ABCC4: variants seen among roughly 807,000 people sequenced by gnomAD.
ABCC4 encodes ATP binding cassette subfamily C member 4 (PEL blood group), also known as ATP-binding cassette sub-family C member 4.
In ABCC4, 102 loss-of-function variants were observed where a neutral mutation model predicts 168.5. That is an observed-to-expected ratio of 0.61 (90% confidence interval 0.52 to 0.71). The LOEUF (loss-of-function observed/expected upper bound fraction) is 0.71. ABCC4 is among the 30% of genes least tolerant of loss of function. The pLI is 0.00. For missense variants in ABCC4, 1,402 were observed against 1,605.8 expected (o/e 0.87, Z 2.17); for synonymous variants, 617 against 590.7 (o/e 1.04, Z -0.65).
intron 9 of ABCC4, among the ~76,000 whole-genome samples, chr13:95,191,197 T>C (rs1044411500): frequency 1.3e-5 from 2 of 151,374 alleles, no homozygotes; most frequent in African/African-American, 4.8e-5. Context: ...GAATAAGAGA[T>C]CAAGATAACC....
chr13:95,211,263 G>A (rs2038948494), intron 4 of ABCC4, among the ~76,000 whole-genome samples: 1 of 152,142 alleles, frequency 6.6e-6, no homozygotes, highest in African/African-American at 2.4e-5. Context: ...GACAAATATG[G>A]AGTATCAACT....
At chr13:95,237,602 T>C (rs1239559375) in intron 3 of ABCC4, among the ~76,000 whole-genome samples, 3 of 152,192 alleles carry the variant, frequency 2.0e-5, no homozygotes, top group African/African-American at 4.8e-5. Context: ...CCCAGAGTAC[T>C]TGAAGGCAGA....
intron 1 of ABCC4, among the ~76,000 whole-genome samples, chr13:95,284,651 A>T (rs1048260693): frequency 3.3e-5 from 5 of 152,118 alleles, no homozygotes; most frequent in African/African-American, 1.2e-4. Flanking sequence ...GAGACTCAAA[A>T]ATGTATATGG....
At chr13:95,047,445 C>A (rs2032626089) in intron 27 of ABCC4, among the ~76,000 whole-genome samples, 1 of 145,006 alleles carries the variant, frequency 6.9e-6, no homozygotes, top group African/African-American at 2.6e-5. Flanking sequence ...GTTTATTTTG[C>A]TCCTTCCTGG....
chr13:95,040,722 CTT>C (rs1460099953), intron 29 of ABCC4, among the ~76,000 whole-genome samples: 1 of 152,148 alleles, frequency 6.6e-6, no homozygotes, highest in Non-Finnish European at 1.5e-5. Flanking sequence ...CTCAGGTTAG[CTT>C]TGAGTTGTGT....
chr13:95,172,550 A>G (rs1399296671), intron 13 of ABCC4, among the ~76,000 whole-genome samples: 16 of 148,536 alleles, frequency 1.1e-4, no homozygotes, highest in Non-Finnish European at 3.0e-5. Context: ...TGGGCAACAG[A>G]GCGAGACTCT....
At chr13:95,090,831 C>G (rs2034407920) in intron 20 of ABCC4, among the ~76,000 whole-genome samples, 1 of 152,074 alleles carries the variant, frequency 6.6e-6, no homozygotes, top group Non-Finnish European at 1.5e-5. Flanking sequence ...TTAAGCTAAT[C>G]AGGGGGGCAC....
chr13:95,109,601 G>A (rs2035132720), intron 20 of ABCC4, among the ~76,000 whole-genome samples: 1 of 152,220 alleles, frequency 6.6e-6, no homozygotes, highest in South Asian at 2.1e-4. Flanking sequence ...ACTGTGAGAA[G>A]AGGGTTTGAG....
intron 19 of ABCC4, among the ~76,000 whole-genome samples, chr13:95,121,917 A>G (rs2035584440): frequency 6.6e-6 from 1 of 152,184 alleles, no homozygotes; most frequent in African/African-American, 2.4e-5. Flanking sequence ...GGCAACAGAA[A>G]TGTTCACAGC....
intron 20 of ABCC4, among the ~76,000 whole-genome samples, chr13:95,107,442 C>T: frequency 6.6e-6 from 1 of 152,124 alleles, no homozygotes; most frequent in Non-Finnish European, 1.5e-5. Context: ...GAATGCACTT[C>T]CAGTGAATAA....
At chr13:95,169,310 A>G (rs1173537640) in intron 14 of ABCC4, among the ~76,000 whole-genome samples, 2 of 152,144 alleles carry the variant, frequency 1.3e-5, no homozygotes, top group Non-Finnish European at 2.9e-5. Context: ...GTGAACCACT[A>G]AGACTTCAAA....
intron 13 of ABCC4, among the ~76,000 whole-genome samples, chr13:95,172,601 A>T (rs910656981): frequency 1.3e-5 from 2 of 150,548 alleles, no homozygotes; most frequent in Admixed American, 6.6e-5. Flanking sequence ...CAACATTAAG[A>T]GCTGACACAT....
At chr13:95,148,195 T>C (rs2036559800) in intron 19 of ABCC4, among the ~76,000 whole-genome samples, 1 of 152,160 alleles carries the variant, frequency 6.6e-6, no homozygotes, top group African/African-American at 2.4e-5. Flanking sequence ...ATCAAATGCT[T>C]TTCATATATT....
chr13:95,177,810 G>C lies in ABCC4; in HGVS notation c.1641-17C>G. On this transcript the variant is annotated splice_polypyrimidine_tract_variant and intron_variant, in intron 12 of 30. Transcript: ENST00000645237. ...TACACTGCTCTAGAAAATACAAAGA[G>C]GTATCAGACTCTCACCCAGGAACAT... 14 of 1,596,044 alleles carry C rather than the reference G, an allele frequency of 8.8e-6. No homozygotes were observed. The highest frequency in any genetic ancestry group is 1.2e-5 in the Non-Finnish European group (14 of 1,166,076).
intron 25 of ABCC4, among the ~76,000 whole-genome samples, chr13:95,065,172 G>A (rs2033485144): frequency 6.6e-6 from 1 of 152,050 alleles, no homozygotes; most frequent in African/African-American, 2.4e-5. Flanking sequence ...CATCTCCCAG[G>A]TTTTCTCAAC....
intron 3 of ABCC4, among the ~76,000 whole-genome samples, chr13:95,243,153 G>A (rs558876849): frequency 6.1e-5 from 9 of 147,794 alleles, no homozygotes; most frequent in South Asian, 4.4e-4. Context: ...GGTGCCTGCC[G>A]CCAGCACTGT....
At chr13:95,294,344 C>T (rs559896530) in intron 1 of ABCC4, among the ~76,000 whole-genome samples, 2 of 152,024 alleles carry the variant, frequency 1.3e-5, no homozygotes, top group Admixed American at 6.6e-5. Context: ...GCCTGCAAGA[C>T]AGAGATAGAC....
At position 95,280,568 on chromosome 13, in the gene ABCC4, C is replaced by A. The variant is rs1019765232; in HGVS notation, c.74+20673G>T. On this transcript the variant is annotated intron_variant, in intron 1 of 30. Coordinates refer to ENST00000645237, the MANE Select transcript of ABCC4 (RefSeq NM_005845.5). Reference sequence around the variant, plus strand: ...TAGCTGCCATTTGCTGTTTTGCCTTCTATTAAAAAAAAAAAAAAAAAAAAA... The same window carrying A: ...TAGCTGCCATTTGCTGTTTTGCCTTATATTAAAAAAAAAAAAAAAAAAAAA... Among the ~76,000 whole-genome samples, 18 of 81,698 alleles carry A rather than the reference C, an allele frequency of 2.2e-4. No individual in the cohort carries two copies. The South Asian group carries it at 8.9e-3, about 40-fold the overall frequency. 53.6% of individuals were successfully genotyped at this position (81,698 alleles called of 152,430 possible). A position where few individuals can be genotyped will look rare whatever the true frequency, so the allele number is the denominator to read the frequency against.
chr13:95,058,833 A>G (rs2766475), intron 26 of ABCC4, among the ~76,000 whole-genome samples: 141,683 of 152,210 alleles, frequency 0.93, 66,061 homozygotes, highest in Non-Finnish European at 0.95. Context: ...ACTGTGTCAT[A>G]AGGCTCCTTG....
Sources: allele counts gnomAD v4.1 joint callset (sites outside exome capture counted in the v4.1 genomes callset), GRCh38; gene constraint gnomAD v4.1.1; transcripts MANE v1.5; gene names NCBI Gene and HGNC (gene_info 2026-07-23, HGNC 2026-07-21).